The following ZNF718 variants were observed in gnomAD, a reference collection of about 807,000 sequenced individuals.
ZNF718 encodes the protein zinc finger protein 718.
Under a neutral mutation model 2.6 loss-of-function variants are expected in ZNF718, and 3 were observed. The ratio of observed to expected loss-of-function variants is 1.16; its 90% CI spans 0.53 to 3.01. The LOEUF is 3.01. ZNF718 is among the 30% of genes most tolerant of loss of function. The probability of loss-of-function intolerance (pLI) is 0.03; values close to 1 mark genes in which losing one functional copy is unlikely to be tolerated. For missense variants in ZNF718, 468 were observed against 230.0 expected (o/e 2.03, Z -6.69); for synonymous variants, 135 against 77.9 (o/e 1.73, Z -3.86).
chr4:144,610 T>G (rs1213270662), intron 3 of ZNF718, among the ~76,000 whole-genome samples: 1 of 152,230 alleles, frequency 6.6e-6, no homozygotes, highest in Non-Finnish European at 1.5e-5. Context: ...TATGAAAATT[T>G]TAATAATACT....
intron 3 of ZNF718, among the ~76,000 whole-genome samples, chr4:171,572 G>A (rs74301952): frequency 3.5e-3 from 530 of 152,228 alleles, no homozygotes; most frequent in Non-Finnish European, 5.1e-3. Context: ...CCTCACTGCC[G>A]CCTTGCAGTT....
chr4:174,569 C>T (rs1346145663), intron 3 of ZNF718, among the ~76,000 whole-genome samples: 3 of 152,112 alleles, frequency 2.0e-5, no homozygotes, highest in East Asian at 3.9e-4. Context: ...AGGCCCTAAG[C>T]CACTCTAGTT....
At chr4:133,195 AATATATATATATATAT>A (rs1164522262) in intron 3 of ZNF718, among the ~76,000 whole-genome samples, 4 of 20,778 alleles carry the variant, frequency 1.9e-4, no homozygotes, top group African/African-American at 5.0e-4. Context: ...AAAAAAAAAA[AATATATATATATATAT>A]ATATATATAT....
At chr4:174,141 G>A (rs781940898) in intron 3 of ZNF718, among the ~76,000 whole-genome samples, 6 of 152,062 alleles carry the variant, frequency 3.9e-5, no homozygotes, top group Non-Finnish European at 7.4e-5. Flanking sequence ...CTAGGGTAAG[G>A]ACAGCTGCCT....
chr4:182,864 G>T (rs1717495685), intron 3 of ZNF718, among the ~76,000 whole-genome samples: 1 of 152,122 alleles, frequency 6.6e-6, no homozygotes, highest in South Asian at 2.1e-4. Context: ...TTTTCTTCTT[G>T]TAAATTTGTT....
chr4:195,926 T>G (rs1717781341), intron 3 of ZNF718, among the ~76,000 whole-genome samples: 1 of 152,132 alleles, frequency 6.6e-6, no homozygotes, highest in African/African-American at 2.4e-5. Flanking sequence ...TCTTTACTAC[T>G]TCTGTCTTTC....
intron 3 of ZNF718, among the ~76,000 whole-genome samples, chr4:140,167 C>T (rs1026694254): frequency 7.9e-5 from 12 of 152,140 alleles, no homozygotes; most frequent in African/African-American, 1.2e-4. Context: ...AAAAGGCCCA[C>T]CCGGCATCCA....
chr4:190,216 G>A (rs906863139), intron 3 of ZNF718, among the ~76,000 whole-genome samples: 2 of 152,004 alleles, frequency 1.3e-5, no homozygotes, highest in East Asian at 3.9e-4. Context: ...AGATCACGAG[G>A]TCAGGAGACC....
At chr4:145,357 T>C (rs918959693) in intron 3 of ZNF718, among the ~76,000 whole-genome samples, 51 of 152,334 alleles carry the variant, frequency 3.3e-4, no homozygotes, top group African/African-American at 1.2e-3. Flanking sequence ...GTTTTTCTTA[T>C]ATGCTTTGAT....
intron 3 of ZNF718, among the ~76,000 whole-genome samples, chr4:173,695 T>C (rs1717290044): frequency 6.6e-6 from 1 of 152,160 alleles, no homozygotes; most frequent in African/African-American, 2.4e-5. Flanking sequence ...GTAGCTGTAG[T>C]TCATTGGTGG....
downstream of ZNF718, among the ~76,000 whole-genome samples, chr4:165,525 A>G (rs1717066284): frequency 6.6e-6 from 1 of 152,140 alleles, no homozygotes; most frequent in Non-Finnish European, 1.5e-5. Context: ...TAGGCCGGGT[A>G]CAGTGGCTCA....
intron 3 of ZNF718, among the ~76,000 whole-genome samples, chr4:175,956 A>G (rs573616357): frequency 7.0e-6 from 1 of 143,884 alleles, no homozygotes; most frequent in East Asian, 2.1e-4. Context: ...TCCCAGGTTC[A>G]TGCCATTCTC....
intron 3 of ZNF718, among the ~76,000 whole-genome samples, chr4:138,478 T>C (rs1581429693): frequency 1.3e-5 from 2 of 152,312 alleles, no homozygotes; most frequent in African/African-American, 4.8e-5. Flanking sequence ...TTTTTTATGA[T>C]TGAAAAGTAC....
chr4:141,201 T>A (rs1354841664), intron 3 of ZNF718, among the ~76,000 whole-genome samples: 3 of 152,206 alleles, frequency 2.0e-5, no homozygotes, highest in Non-Finnish European at 4.4e-5. Context: ...GAGAATAGTT[T>A]TGTCTAATTC....
intron 3 of ZNF718, among the ~76,000 whole-genome samples, chr4:173,526 AAT>A (rs1246106600): frequency 6.6e-6 from 1 of 152,216 alleles, no homozygotes; most frequent in Non-Finnish European, 1.5e-5. Flanking sequence ...GAAAGAAACC[AAT>A]AGTTACTATT....
At chr4:129,789 CAAT>C (rs1715309206) in intron 1 of ZNF718, among the ~76,000 whole-genome samples, 1 of 96,946 alleles carries the variant, frequency 1.0e-5, no homozygotes, top group Non-Finnish European at 2.3e-5. Flanking sequence ...AAAAAAAAAA[CAAT>C]GATAAGAAAA....
chr4:184,662 G>C (rs1379442600), intron 3 of ZNF718, among the ~76,000 whole-genome samples: 4 of 152,040 alleles, frequency 2.6e-5, no homozygotes, highest in Non-Finnish European at 5.9e-5. Context: ...TTGGTCAGTA[G>C]ACTCTCTATT....
intron 3 of ZNF718, among the ~76,000 whole-genome samples, chr4:193,218 A>T (rs1315951072): frequency 1.3e-5 from 2 of 152,008 alleles, no homozygotes; most frequent in Non-Finnish European, 2.9e-5. Context: ...TCGCTTCAAT[A>T]TCTGCTTGGC....
At chr4:124,917 A>G (rs553946335) in intron 1 of ZNF718, 2 of 465,350 alleles carry the variant, frequency 4.3e-6, no homozygotes, top group South Asian at 2.4e-5. Context: ...AGTGAGTAGG[A>G]GCTCATCCGG....
Sources: allele counts gnomAD v4.1 joint callset (sites outside exome capture counted in the v4.1 genomes callset), GRCh38; gene constraint gnomAD v4.1.1; transcripts MANE v1.5; gene names NCBI Gene and HGNC (gene_info 2026-07-23, HGNC 2026-07-21).